The following RGS9 variants were observed in gnomAD, a reference collection of about 807,000 sequenced individuals.
RGS9 encodes the protein regulator of G protein signaling 9.
A neutral mutation model predicts 102.0 loss-of-function variants in RGS9; 78 were observed. That is an observed-to-expected ratio of 0.76 (90% CI 0.64 to 0.92). RGS9 has a LOEUF of 0.92. Ranked by LOEUF, RGS9 falls within the 40% of genes least tolerant of loss-of-function variation. The probability of loss-of-function intolerance (pLI) is 0.00; values close to 1 mark genes in which losing one functional copy is unlikely to be tolerated. For missense variants in RGS9, 833 were observed against 866.1 expected (o/e 0.96, Z 0.48); for synonymous variants, 353 against 318.6 (o/e 1.11, Z -1.15).
chr17:65,193,705 C>T (rs754763454), intron 12 of RGS9, 49 bp downstream of exon 12: 1 of 1,112,988 alleles, frequency 9.0e-7, no homozygotes, highest in African/African-American at 1.5e-5. Context: ...TTTTGAGTTA[C>T]AATTCACATG....
intron 11 of RGS9, among the ~76,000 whole-genome samples, chr17:65,191,036 C>T (rs897270499): frequency 6.6e-6 from 1 of 152,144 alleles, no homozygotes; most frequent in Admixed American, 6.5e-5. Context: ...TCCTATGTCC[C>T]CAGTTTGCAA....
At chr17:65,142,251 A>C (rs1385716529) in intron 1 of RGS9, among the ~76,000 whole-genome samples, 2 of 152,172 alleles carry the variant, frequency 1.3e-5, no homozygotes, top group Non-Finnish European at 2.9e-5. Context: ...CTCAAAAAAA[A>C]CCCAAAAACC....
chr17:65,161,831 C>G (rs1177091891), intron 6 of RGS9, among the ~76,000 whole-genome samples: 2 of 151,814 alleles, frequency 1.3e-5, no homozygotes, highest in Non-Finnish European at 2.9e-5. Context: ...GCCTCAGCCT[C>G]CCAAGCAGCT....
rs1905756612 is a variant in RGS9, at chr17:65,227,572, C to T, written c.*165C>T. ...TAGATTGTGGCAAAGAATGCTCTGG[C>T]TGGTTACCAGGGGCCAACTCCTTCT... On this transcript the variant is annotated 3_prime_UTR_variant, in exon 19 of 19. Coordinates refer to ENST00000262406, the MANE Select transcript of RGS9 (RefSeq NM_003835.4). 2.0e-6 allele frequency: 2 copies of T among 996,286 alleles called. No individual in the cohort carries two copies. The allele number at this position is 996,286 out of a possible 1,614,324, so 61.7% of individuals were successfully genotyped here.
intron 17 of RGS9, among the ~76,000 whole-genome samples, chr17:65,213,489 C>G (rs1480879526): frequency 6.6e-6 from 1 of 152,012 alleles, no homozygotes; most frequent in Non-Finnish European, 1.5e-5. Flanking sequence ...ATGACATACC[C>G]AGCAGCCTGG....
rs1000566722 is a variant in RGS9 at position 65,173,156 on chromosome 17, T to A, written c.583-4576T>A. Among the ~76,000 whole-genome samples, 5 of 152,182 alleles carry A rather than the reference T, an allele frequency of 3.3e-5. No individual in the cohort carries two copies. Among genetic ancestry groups the A allele is most frequent in the African/African-American group, 1.2e-4 (5 of 41,534 alleles). ...CCAGGCTGGTCTCGAACTCCTGACCTCATGATCTGCCGGCCTCAGGCTTTC... is the reference window on the plus strand; with the variant it reads ...CCAGGCTGGTCTCGAACTCCTGACCACATGATCTGCCGGCCTCAGGCTTTC... On this transcript the variant is annotated intron_variant, in intron 8 of 18. Transcript: ENST00000262406. The surrounding 1 kb of genome is among the most constrained non-coding windows in gnomAD (Gnocchi z 4.8).
chr17:65,207,016 G>T (rs989998465), intron 15 of RGS9, among the ~76,000 whole-genome samples: 2 of 152,146 alleles, frequency 1.3e-5, no homozygotes, highest in African/African-American at 2.4e-5. Context: ...GTCCCATATT[G>T]GGTATGACTA....
chr17:65,169,300 C>T lies in RGS9; in HGVS notation c.582+1019C>T, dbSNP rs150286301. Among the ~76,000 whole-genome samples the T allele has an allele frequency of 3.0e-3, 453 of 152,286 alleles. 3 individuals carry two copies. Among genetic ancestry groups the T allele is most frequent in the African/African-American group, 0.011 (446 of 41,556 alleles). On this transcript the variant is annotated intron_variant, in intron 8 of 18. Coordinates refer to ENST00000262406, the MANE Select transcript of RGS9 (RefSeq NM_003835.4). ...CTGAGGTTAAGGTGCTGAGGTTGAT[C>T]CCAAACAGCTTGTTTGATTTTTTCT...
At chr17:65,207,717 C>T (rs1913121959) in intron 15 of RGS9, among the ~76,000 whole-genome samples, 1 of 152,080 alleles carries the variant, frequency 6.6e-6, no homozygotes, top group South Asian at 2.1e-4. Context: ...CTGAGAAGTT[C>T]CCAGGTGAAA....
chr17:65,199,589 G>C (rs1186454566), intron 13 of RGS9, among the ~76,000 whole-genome samples: 1 of 149,288 alleles, frequency 6.7e-6, no homozygotes, highest in East Asian at 2.0e-4. Flanking sequence ...TGCCTCCCGG[G>C]TTCAAGTGAT....
intron 7 of RGS9, among the ~76,000 whole-genome samples, chr17:65,165,395 A>G (rs1347113503): frequency 6.6e-6 from 1 of 152,070 alleles, no homozygotes; most frequent in Non-Finnish European, 1.5e-5. Flanking sequence ...CACTTATTTT[A>G]TGGCTTAAAG....
chr17:65,153,357 A>G, intron 1 of RGS9, 65 bp from the exon 2 acceptor site: 1 of 1,380,068 alleles, frequency 7.2e-7, no homozygotes. Context: ...AGTGCAGTGG[A>G]AATTGCCCTG....
At chr17:65,176,408 C>T (rs1911625218) in intron 8 of RGS9, among the ~76,000 whole-genome samples, 1 of 152,194 alleles carries the variant, frequency 6.6e-6, no homozygotes, top group African/African-American at 2.4e-5. Context: ...GGATTCTTCT[C>T]TGTTTCTTAG....
intron 9 of RGS9, among the ~76,000 whole-genome samples, chr17:65,183,816 A>T (rs1045956885): frequency 8.6e-5 from 13 of 151,050 alleles, no homozygotes; most frequent in African/African-American, 2.4e-4. Context: ...TCTCCCCTGC[A>T]CTCCTGCCGG....
At chr17:65,198,987 C>A (rs1533334) in intron 13 of RGS9, among the ~76,000 whole-genome samples, 29,019 of 149,676 alleles carry the variant, frequency 0.19, 4,527 homozygotes, top group African/African-American at 0.42. Flanking sequence ...TTTATTATCT[C>A]CCCCCCACTA....
At chr17:65,146,931 T>G (rs1490424744) in intron 1 of RGS9, among the ~76,000 whole-genome samples, 1 of 152,022 alleles carries the variant, frequency 6.6e-6, no homozygotes, top group African/African-American at 2.4e-5. Context: ...ACTTCTTGGG[T>G]ACCATGGAGA....
Position 65,215,474 on chromosome 17 carries a change from C to CTTTT in RGS9, c.1407+4870_1407+4871insTTTT, listed in dbSNP as rs1378047430. ...GGAGTTTCTCTTTCTTTCTTTCTTT[C>CTTTT]TCTATCTTTCTTTCGTTCTTTCGTT... On this transcript the variant is annotated intron_variant, in intron 17 of 18. Coordinates refer to ENST00000262406, the MANE Select transcript of RGS9 (RefSeq NM_003835.4). Among the ~76,000 whole-genome samples the CTTTT allele has an allele frequency of 8.0e-3, 1,090 of 136,984 alleles. 23 individuals carry two copies. Among genetic ancestry groups the CTTTT allele is most frequent in the African/African-American group, 0.034 (1,044 of 30,802 alleles). The allele number at this position is 136,984 out of a possible 152,430, so 89.9% of individuals were successfully genotyped here.
chr17:65,141,318 T>A (rs893453693), intron 1 of RGS9, among the ~76,000 whole-genome samples: 2 of 152,202 alleles, frequency 1.3e-5, no homozygotes, highest in East Asian at 3.9e-4. Context: ...CCCATTCCCC[T>A]CTGCAATTAC....
intron 17 of RGS9, among the ~76,000 whole-genome samples, chr17:65,214,175 C>G (rs1913407298): frequency 6.6e-6 from 1 of 152,180 alleles, no homozygotes; most frequent in South Asian, 2.1e-4. Flanking sequence ...GTTGACCAGG[C>G]TGGTCTTGAT....
Sources: gnomAD v4.1 joint callset for allele counts (sites outside exome capture counted in the v4.1 genomes callset) on GRCh38, gnomAD v4.1.1 for gene constraint, Gnocchi (gnomAD v3.1) non-coding constraint, MANE v1.5 for transcripts, NCBI Gene and HGNC (gene_info 2026-07-23, HGNC 2026-07-21) for gene names.